The following CEMIP variants were observed in gnomAD, a reference collection of about 807,000 sequenced individuals.
The protein encoded by CEMIP is cell migration-inducing and hyaluronan-binding protein.
In CEMIP, 105 loss-of-function variants were observed where a neutral mutation model predicts 156.9. The observed-to-expected ratio is 0.67, with a 90% CI of 0.57 to 0.79. The LOEUF is 0.79. CEMIP is among the 30% of genes least tolerant of loss of function. CEMIP has a pLI of 0.00. For missense variants in CEMIP, 1,457 were observed against 1,769.4 expected, an observed-to-expected ratio of 0.82 and a Z score of 3.17; for synonymous variants, 676 against 668.4, an observed-to-expected ratio of 1.01 and a Z score of -0.17.
At chr15:80,782,692 T>A (rs1417212848) in intron 1 of CEMIP, among the ~76,000 whole-genome samples, 1 of 152,224 alleles carries the variant, frequency 6.6e-6, no homozygotes, top group African/African-American at 2.4e-5. Flanking sequence ...ATTCTTCTCC[T>A]CCTTCTGCTC....
At chr15:80,835,247 A>T (rs1019524158) in intron 1 of CEMIP, among the ~76,000 whole-genome samples, 2 of 152,192 alleles carry the variant, frequency 1.3e-5, no homozygotes, top group African/African-American at 2.4e-5. Flanking sequence ...AGCTACTCCA[A>T]GTTCCCCCAA....
chr15:80,881,881 G>C (rs1898672431), intron 6 of CEMIP, among the ~76,000 whole-genome samples: 1 of 152,248 alleles, frequency 6.6e-6, no homozygotes, highest in South Asian at 2.1e-4. Flanking sequence ...GACCCAGAAG[G>C]AACGGCGGCT....
chr15:80,940,522 C>T (rs1372530539), intron 25 of CEMIP, among the ~76,000 whole-genome samples: 1 of 152,166 alleles, frequency 6.6e-6, no homozygotes, highest in Non-Finnish European at 1.5e-5. Flanking sequence ...GCTCACCTGC[C>T]TCCCCAGCTT....
rs2141663028 is a variant in CEMIP at position 80,824,944 on chromosome 15, A to G, written c.-176+45330A>G. ...GCAGTGTTTTCCTATGTTTGGGCTC[A>G]GCTTTTATCATCAGATTGGGATATA... On this transcript the variant is annotated intron_variant, in intron 1 of 29. Coordinates refer to ENST00000394685, the MANE Select transcript of CEMIP (RefSeq NM_001293298.2). Among the ~76,000 whole-genome samples the G allele has an allele frequency of 2.0e-5, 3 of 152,308 alleles. No individual in the cohort carries two copies. In the South Asian group the frequency reaches 6.2e-4, roughly 32 times the overall value.
chr15:80,832,275 A>G (rs1395071528), intron 1 of CEMIP, among the ~76,000 whole-genome samples: 11 of 151,002 alleles, frequency 7.3e-5, no homozygotes. Context: ...ATGTGTTACT[A>G]TACAGACAGG....
chr15:80,792,282 T>C (rs1293430799), intron 1 of CEMIP, among the ~76,000 whole-genome samples: 1 of 152,244 alleles, frequency 6.6e-6, no homozygotes, highest in African/African-American at 2.4e-5. Flanking sequence ...TTTTGTTGAC[T>C]GCAAAATAAA....
intron 21 of CEMIP, 48 bp downstream of exon 21, chr15:80,929,222 G>A (rs749066714): frequency 6.2e-7 from 1 of 1,611,422 alleles, no homozygotes; most frequent in African/African-American, 1.3e-5. Flanking sequence ...CTTAACCTAA[G>A]TGGCTGTGAT....
chr15:80,828,186 C>T (rs1897081317), intron 1 of CEMIP, among the ~76,000 whole-genome samples: 1 of 152,126 alleles, frequency 6.6e-6, no homozygotes, highest in Non-Finnish European at 1.5e-5. Flanking sequence ...CGAGACCAGC[C>T]TAGCTAACAT....
intron 1 of CEMIP, among the ~76,000 whole-genome samples, chr15:80,805,036 A>G (rs1896479153): frequency 6.6e-6 from 1 of 152,118 alleles, no homozygotes; most frequent in Admixed American, 6.5e-5. Flanking sequence ...CCCTTTGTGC[A>G]TTTAGCTAGC....
chr15:80,839,594 G>A (rs1897346157), intron 1 of CEMIP, among the ~76,000 whole-genome samples: 1 of 152,006 alleles, frequency 6.6e-6, no homozygotes. Context: ...GTGGGAAAAG[G>A]CAACACTGTG....
intron 1 of CEMIP, among the ~76,000 whole-genome samples, chr15:80,828,359 G>A (rs1220397333): frequency 1.3e-5 from 2 of 151,476 alleles, no homozygotes; most frequent in Non-Finnish European, 2.9e-5. Context: ...CAGCCTGGGT[G>A]AAAGAGTGAG....
chr15:80,948,328 A>G (rs2280441), intron 29 of CEMIP: 232,853 of 258,244 alleles, frequency 0.9, 106,689 homozygotes, highest in Non-Finnish European at 0.97. Context: ...CTCTTGGTCA[A>G]ATTTCTTCAC....
intron 14 of CEMIP, chr15:80,909,621 G>GAC (rs1477285016): frequency 1.7e-5 from 8 of 483,862 alleles, no homozygotes; most frequent in African/African-American, 1.6e-4. Context: ...CACACAGCAT[G>GAC]ACAGCTCTGC....
At position 80,921,051 on chromosome 15, in the gene CEMIP, A is replaced by T. The variant is rs2141922309; in HGVS notation, c.2023A>T (p.Met675Leu). The T allele has an allele frequency of 4.3e-6, 7 of 1,614,106 alleles. No individual in the cohort carries two copies. Among genetic ancestry groups the T allele is most frequent in the Non-Finnish European group, 5.9e-6 (7 of 1,180,002 alleles). Residue 675 changes from methionine to leucine, a missense_variant, in exon 16 of 30, where the codon ATG becomes TTG. Coordinates refer to ENST00000394685, the MANE Select transcript of CEMIP (RefSeq NM_001293298.2). Reference protein sequence around the residue: ...QDCNAVSTFWMANPNNNLINC... With the variant: ...QDCNAVSTFWLANPNNNLINC... ...CTGCAGTGCTGTGTCCACCTTCTGG[A>T]TGGCCAATCCCAACAACAACCTCAT...
chr15:80,942,118 T>C (rs1567112383), intron 26 of CEMIP, 65 bp downstream of exon 26: 7 of 1,554,900 alleles, frequency 4.5e-6, no homozygotes, highest in Non-Finnish European at 4.4e-6. Context: ...CCCTTTGCCG[T>C]CCAGTCGGGC....
rs374603705 is a variant in CEMIP at position 80,848,926 on chromosome 15, A to ACACACACACC, written c.-175-24611_-175-24610insACACACACCC. 4.9e-3 allele frequency among the ~76,000 whole-genome samples: 637 copies of ACACACACACC among 131,182 alleles called. 6 individuals carry two copies. The highest frequency in any genetic ancestry group is 0.011 in the African/African-American group (382 of 33,738). The allele number at this position is 131,182 out of a possible 152,430, so 86.1% of individuals were successfully genotyped here. ...CACACACACACACACACACACACAC[A>ACACACACACC]CCCTGGCTTCAGGGATCTCTTTAGA... On this transcript the variant is annotated intron_variant, in intron 1 of 29. Transcript: ENST00000394685.
chr15:80,849,695 A>G (rs1018169136), intron 1 of CEMIP, among the ~76,000 whole-genome samples: 2 of 152,042 alleles, frequency 1.3e-5, no homozygotes, highest in Non-Finnish European at 2.9e-5. Context: ...GAGAGTAAGC[A>G]AGTAGGTTAA....
Position 80,949,665 on chromosome 15 carries a change from G to T in CEMIP, c.*741G>T, listed in dbSNP as rs1901733166. ...GGTGCCCCAGCGCACACGGGATGGA[G>T]AGGTGAGAACTAATGCCTAGCTTGA... On this transcript the variant is annotated 3_prime_UTR_variant, in exon 30 of 30. Transcript: ENST00000394685. The T allele has an allele frequency of 1.9e-5, 3 of 157,144 alleles. No homozygotes were observed. The highest frequency in any genetic ancestry group is 7.2e-5 in the African/African-American group (3 of 41,488). 9.7% of individuals were successfully genotyped at this position (157,144 alleles called of 1,614,324 possible).
At chr15:80,872,553 G>A (rs541444208) in intron 1 of CEMIP, among the ~76,000 whole-genome samples, 4 of 152,186 alleles carry the variant, frequency 2.6e-5, no homozygotes, top group Non-Finnish European at 4.4e-5. Flanking sequence ...TAATTCAGGC[G>A]GGCATGGTGG....
Sources: gnomAD v4.1 joint callset for allele counts (sites outside exome capture counted in the v4.1 genomes callset) on GRCh38, gnomAD v4.1.1 for gene constraint, MANE v1.5 for transcripts, NCBI Gene and HGNC (gene_info 2026-07-23, HGNC 2026-07-21) for gene names.